Variants in IPO4 observed in about 807,000 individuals in gnomAD.
IPO4 encodes the protein importin 4, also known as importin-4.
A neutral mutation model predicts 133.5 loss-of-function variants in IPO4; 91 were observed. The observed-to-expected ratio is 0.68, with a 90% confidence interval of 0.58 to 0.81. The LOEUF (loss-of-function observed/expected upper bound fraction) is 0.81, where lower values mean the gene tolerates loss of function less well. Ranked by LOEUF, IPO4 falls within the 30% of genes least tolerant of loss-of-function variation. The pLI is 0.00. For synonymous variants in IPO4, 607 were observed against 581.6 expected (o/e 1.04, Z -0.63); for missense variants, 1,279 against 1,386.2 (o/e 0.92, Z 1.23).
chr14:24,188,674 C>T, intron 1 of IPO4, 36 bp from the exon 2 acceptor site: 1 of 1,600,498 alleles, frequency 6.2e-7, no homozygotes, highest in Non-Finnish European at 8.5e-7. Flanking sequence ...TGGGCCTTTC[C>T]CGCAACCTCC....
intron 12 of IPO4, 51 bp from the exon 13 acceptor site, chr14:24,185,618 C>T: frequency 2.7e-6 from 4 of 1,478,858 alleles, no homozygotes. Flanking sequence ...ACCTGAGAGC[C>T]CTAGGCTGAC....
At position 24,187,415 on chromosome 14, in the gene IPO4, G is replaced by T; in HGVS notation, c.573C>A (p.Leu191=). ...LRTLTTMAPY[L]STEDVPLARM... is the part of the protein sequence containing the mutation. The stretch of plus-strand genomic sequence containing the variant: ...CACATCTCACCACATCTTCAGTGCT[G>T]AGGTAGGGAGCCATGGTGGTCAGAG... The change falls in exon 6 of 30, where the codon CTC becomes CTA. Residue 191 remains leucine (L), a synonymous_variant. Transcript: ENST00000354464. 1 of 1,614,178 alleles carries T rather than the reference G, an allele frequency of 6.2e-7. No individual in the cohort carries two copies. Among genetic ancestry groups the T allele is most frequent in the Non-Finnish European group, 8.5e-7 (1 of 1,180,026 alleles).
At chr14:24,180,846 T>G in intron 28 of IPO4, 88 bp from the exon 29 acceptor site, 25 of 1,051,258 alleles carry the variant, frequency 2.4e-5, no homozygotes, top group Non-Finnish European at 3.1e-5. Context: ...GCAGAATCTC[T>G]TATCAGGGGG....
In IPO4 at chr14:24,180,528, G is replaced by C. The variant is rs2039115396; in HGVS notation, c.3160C>G (p.Gln1054Glu). The C allele has an allele frequency of 1.2e-6, 2 of 1,614,066 alleles. No individual in the cohort carries two copies. The highest frequency in any genetic ancestry group is 2.2e-5 in the East Asian group (1 of 44,904). ...GCTGCTTGAAAGCTGTCGGTGTGCT[G>C]TTTGGCCAGGAACGTCAGGAGCAGC... ...LLLLLTFLAKQHTDSFQAALG... is the reference protein window; with the variant it reads ...LLLLLTFLAKEHTDSFQAALG... The change falls in exon 30 of 30, where the codon CAG becomes GAG. Residue 1054 changes from glutamine to glutamate, a missense_variant. Around this residue, in one of 3 missense-constraint regions of IPO4, gnomAD observed 575 missense variants for 653.4 expected, o/e 0.88. Coordinates refer to ENST00000354464, the MANE Select transcript of IPO4 (RefSeq NM_024658.4).
At position 24,187,687 on chromosome 14, in the gene IPO4, G is replaced by T; in HGVS notation, c.388C>A (p.Pro130Thr). The change falls in exon 5 of 30, where the codon CCC becomes ACC. Residue 130 changes from proline to threonine, a missense_variant. Transcript: ENST00000354464. The stretch of plus-strand genomic sequence containing the variant: ...GGTACCTCTCTCTCTGGGCTGTGGG[G>T]GCTGTGGGTACTGTGCTGAAGCAGC... ...LQLLQHSTHS[P>T]HSPEREMGLL... 4 of 1,614,228 alleles carry T rather than the reference G, an allele frequency of 2.5e-6. No individual in the cohort carries two copies. Among genetic ancestry groups the T allele is most frequent in the Non-Finnish European group, 3.4e-6 (4 of 1,180,034 alleles).
Position 24,188,610 on chromosome 14 carries a change from C to A in IPO4, c.98G>T (p.Arg33Leu). 1 of 1,611,370 alleles carries A rather than the reference C, an allele frequency of 6.2e-7. No individual in the cohort carries two copies. ...RATEQLQIVLRAPAALPALCD... is the reference protein window; with the variant it reads ...RATEQLQIVLLAPAALPALCD... The stretch of plus-strand genomic sequence containing the variant: ...GAGAGCCGGCAAAGCGGCGGGGGCC[C>A]GAAGAACGATCTGGAGCTGTTCCGT... The change falls in exon 2 of 30, where the codon CGG (arginine) becomes CTG (leucine). Residue 33 changes from arginine to leucine, a missense_variant. Arg to Leu is a moderately radical substitution (Grantham distance 102, BLOSUM62 -2). Around this residue, in one of 3 missense-constraint regions of IPO4, gnomAD observed 695 missense variants for 704.1 expected, o/e 0.99. Transcript: ENST00000354464.
At chr14:24,188,127 G>A (rs2039252563) in intron 4 of IPO4, 89 bp downstream of exon 4, 3 of 1,356,208 alleles carry the variant, frequency 2.2e-6, no homozygotes, top group East Asian at 4.9e-5. Context: ...TGAAGTCCCT[G>A]CCCCACAAGT....
At chr14:24,181,437 G>T in intron 28 of IPO4, 76 bp downstream of exon 28, 1 of 1,243,304 alleles carries the variant, frequency 8.0e-7, no homozygotes, top group Non-Finnish European at 1.2e-6. Context: ...GAGCTCCCGA[G>T]CCTCATCAGC....
rs1188393792 is a variant in IPO4, at chr14:24,183,342, T to C, written c.2135A>G (p.Asn712Ser). 1 of 1,610,768 alleles carries C rather than the reference T, an allele frequency of 6.2e-7. No homozygotes were observed. The highest frequency in any genetic ancestry group is 1.7e-5 in the Admixed American group (1 of 59,510). The change falls in exon 22 of 30, where the codon AAT becomes AGT. Residue 712 changes from asparagine to serine, a missense_variant. Physicochemically the swap from Asn to Ser is conservative, Grantham distance 46 (BLOSUM62 1). Around this residue, in one of 3 missense-constraint regions of IPO4, gnomAD observed 575 missense variants for 653.4 expected, o/e 0.88. Coordinates refer to ENST00000354464, the MANE Select transcript of IPO4 (RefSeq NM_024658.4). Reference sequence around the variant, plus strand: ...AGCCTCATGGGCTGCCTTCCGCACATTCAGGTGAGGGCACTGCAGGATGAG... The same window carrying C: ...AGCCTCATGGGCTGCCTTCCGCACACTCAGGTGAGGGCACTGCAGGATGAG... ...VFKLLECPHL[N>S]VRKAAHEALG...
intron 6 of IPO4, 40 bp downstream of exon 6, chr14:24,187,360 G>C (rs1457668724): frequency 3.1e-6 from 5 of 1,603,494 alleles, no homozygotes; most frequent in African/African-American, 1.3e-5. Context: ...ATGAAGGCAT[G>C]AGGAAAGGGA....
At position 24,188,574 on chromosome 14, in the gene IPO4, A is replaced by AG. The variant is rs974671574; in HGVS notation, c.133dup (p.Leu45ProfsTer122). 9 of 1,613,018 alleles carry AG rather than the reference A, an allele frequency of 5.6e-6. No homozygotes were observed. The highest frequency in any genetic ancestry group is 6.8e-6 in the Non-Finnish European group (8 of 1,179,756). On this transcript the variant is annotated frameshift_variant, in exon 2 of 30. Transcript: ENST00000354464. LOFTEE classifies it high-confidence loss of function. ...CACCTGGGGGTCGGCCGCCGAGGCT[A>AG]GCAGGTCGCAGAGAGCCGGCAAAGC...
chr14:24,188,234 G>A lies in IPO4; in HGVS notation c.260C>T (p.Ala87Val). ...TACTTACTCTGTTTCTCTCTGCAGG[G>A]CCGTCAGGATCAGGGACTTGAGGCT... ...RESLKSLILT[A>V]LQRETEHCVS... Residue 87 changes from alanine to valine, a missense_variant, in exon 4 of 30, where the codon GCC becomes GTC. By Grantham distance (64) the Ala-to-Val change is moderately conservative. This residue lies in a region of IPO4 where 695 missense variants were observed against 704.1 expected (regional missense o/e 0.99). Transcript: ENST00000354464. The A allele has an allele frequency of 6.2e-7, 1 of 1,613,592 alleles. No homozygotes were observed. Among genetic ancestry groups the A allele is most frequent in the Non-Finnish European group, 8.5e-7 (1 of 1,179,754 alleles).
At chr14:24,184,454 G>A in intron 16 of IPO4, 36 bp from the exon 17 acceptor site, 2 of 1,592,068 alleles carry the variant, frequency 1.3e-6, no homozygotes, top group African/African-American at 1.3e-5. Flanking sequence ...ACCAGGAGGT[G>A]GAGGTGGGCT....
intron 11 of IPO4, 35 bp downstream of exon 11, chr14:24,186,094 A>G: frequency 6.2e-7 from 1 of 1,612,038 alleles, no homozygotes; most frequent in East Asian, 2.2e-5. Flanking sequence ...GCACACTTGG[A>G]GGTAGGGACA....
Position 24,185,965 on chromosome 14 carries a change from G to T in IPO4, c.1065C>A (p.Pro355=). 6.2e-7 allele frequency: 1 copy of T among 1,613,728 alleles called. No individual in the cohort carries two copies. Among genetic ancestry groups the T allele is most frequent in the Non-Finnish European group, 8.5e-7 (1 of 1,179,694 alleles). The change falls in exon 12 of 30, where the codon CCC becomes CCA. Residue 355 remains proline (P), a synonymous_variant. Transcript: ENST00000354464. ...PPEKLCPQLM[P]MLEEALRSES... ...CGCTCCGCAAAGCCTCTTCCAACAT[G>T]GGCATCTAGGGAAGCATGTGGCACG...
Position 24,184,683 on chromosome 14 carries a change from CA to C in IPO4, c.1602del (p.Glu535ArgfsTer25). 1 of 1,610,966 alleles carries C rather than the reference CA, an allele frequency of 6.2e-7. No homozygotes were observed. Among genetic ancestry groups the C allele is most frequent in the African/African-American group, 1.3e-5 (1 of 75,018 alleles). ...EHLREFLLTGREDLQPVQIQS... is the reference protein window; with the variant it reads ...EHLREFLLTGXEDLQPVQIQS... ...TGGATCTGCACAGGCTGAAGGTCCTCACGGCCTGTTAACAGGAATTCCCGCA... is the reference window on the plus strand; with the variant it reads ...TGGATCTGCACAGGCTGAAGGTCCTCCGGCCTGTTAACAGGAATTCCCGCA... On this transcript the variant is annotated frameshift_variant, in exon 16 of 30. Coordinates refer to ENST00000354464, the MANE Select transcript of IPO4 (RefSeq NM_024658.4). LOFTEE classifies it high-confidence loss of function.
chr14:24,180,508 T>C lies in IPO4; in HGVS notation c.3180A>G (p.Gln1060=), dbSNP rs1016605482. The C allele has an allele frequency of 2.5e-6, 4 of 1,613,906 alleles. No homozygotes were observed. In the African/African-American group the frequency reaches 5.3e-5, roughly 22 times the overall value. Residue 1060 remains glutamine (Q), a synonymous_variant, in exon 30 of 30, where the codon CAA becomes CAG. Transcript: ENST00000354464. ...FLAKQHTDSF[Q]AALGSLPVDK... ...CAACAGGCAGTGAGCCCAGAGCTGC[T>C]TGAAAGCTGTCGGTGTGCTGTTTGG...
rs776516939 is a variant in IPO4 at position 24,184,631 on chromosome 14, C to T, written c.1636+19G>A. 1.9e-6 allele frequency: 3 copies of T among 1,557,108 alleles called. No individual in the cohort carries two copies. The highest frequency in any genetic ancestry group is 2.7e-5 in the African/African-American group (2 of 73,480). ...CCTTTGCTGGCACTGGGAGCCCCAC[C>T]TGGGAACCTCTCACTCACCCAGGCT... is the stretch of plus-strand genomic sequence containing the variant. On this transcript the variant is annotated intron_variant, in intron 16 of 29. Transcript: ENST00000354464.
In IPO4 at chr14:24,180,342, A is replaced by G; in HGVS notation, c.*100T>C. 3.3e-6 allele frequency: 5 copies of G among 1,511,552 alleles called. No individual in the cohort carries two copies. The highest frequency in any genetic ancestry group is 4.5e-6 in the Non-Finnish European group (5 of 1,123,456). The allele number at this position is 1,511,552 out of a possible 1,614,324, so 93.6% of individuals were successfully genotyped here. On this transcript the variant is annotated 3_prime_UTR_variant, in exon 30 of 30. Coordinates refer to ENST00000354464, the MANE Select transcript of IPO4 (RefSeq NM_024658.4). ...GTGGGGCTGGCTCCAAATGGGTATG[A>G]GTCTCAGAATCTTTGGTAAGGCAGA...
Sources: gnomAD v4.1 joint callset for allele counts on GRCh38, gnomAD v4.1.1 for gene constraint, gnomAD v4.1.1 regional missense constraint, MANE v1.5 for transcripts, NCBI Gene and HGNC (gene_info 2026-07-23, HGNC 2026-07-21) for gene names.